FREM2: variants seen among roughly 807,000 people sequenced by gnomAD.
FREM2 encodes FRAS1 related extracellular matrix 2, also known as FRAS1-related extracellular matrix protein 2.
Under a neutral mutation model 219.9 loss-of-function variants are expected in FREM2, and 119 were observed. The ratio of observed to expected loss-of-function variants is 0.54; its 90% CI spans 0.47 to 0.63. FREM2 has a LOEUF of 0.63. FREM2 is among the 30% of genes least tolerant of loss of function. FREM2 has a pLI of 0.00. For synonymous variants in FREM2, 1,562 were observed against 1,522.8 expected, an observed-to-expected ratio of 1.03 and a Z score of -0.60; for missense variants, 4,030 against 3,993.6, an observed-to-expected ratio of 1.01 and a Z score of -0.25.
At chr13:38,693,018 T>A (rs2138073916) in intron 1 of FREM2, among the ~76,000 whole-genome samples, 1 of 152,372 alleles carries the variant, frequency 6.6e-6, no homozygotes, top group Admixed American at 6.5e-5. Context: ...ACGGTTATAG[T>A]TGTTAGGAAC....
Position 38,713,291 on chromosome 13 carries a change from G to A in FREM2, c.5263+15504G>A, listed in dbSNP as rs147333070. On this transcript the variant is annotated intron_variant, in intron 2 of 23. Coordinates refer to ENST00000280481, the MANE Select transcript of FREM2 (RefSeq NM_207361.6). Reference sequence around the variant, plus strand: ...CCACTTATTAACAGAGTGATATCAGGCAGGTCACTTAACCTCCCAGAGCTT... The same window carrying A: ...CCACTTATTAACAGAGTGATATCAGACAGGTCACTTAACCTCCCAGAGCTT... 4.7e-4 allele frequency among the ~76,000 whole-genome samples: 72 copies of A among 152,218 alleles called. 1 individual carries two copies. Among genetic ancestry groups the A allele is most frequent in the African/African-American group, 1.7e-3 (71 of 41,524 alleles).
At chr13:38,710,346 G>A (rs778584043) in intron 2 of FREM2, among the ~76,000 whole-genome samples, 2 of 152,118 alleles carry the variant, frequency 1.3e-5, no homozygotes, top group Non-Finnish European at 2.9e-5. Flanking sequence ...ATTTGTAGAT[G>A]AAGTCACAAA....
In FREM2 at chr13:38,880,673, G is replaced by T. The variant is rs1188681641; in HGVS notation, c.9396G>T (p.Val3132=). 1 of 1,614,170 alleles carries T rather than the reference G, an allele frequency of 6.2e-7. No individual in the cohort carries two copies. The highest frequency in any genetic ancestry group is 2.2e-5 in the East Asian group (1 of 44,864). The change falls in exon 24 of 24, where the codon GTG becomes GTT. Residue 3132 remains valine, a synonymous_variant. Transcript: ENST00000280481. ...LLTICLTVIA[V]LMCRGKESFR... Reference sequence around the variant, plus strand: ...CCATCTGCCTCACTGTCATTGCAGTGCTGATGTGCAGGGGCAAGGAAAGTT... The same window carrying T: ...CCATCTGCCTCACTGTCATTGCAGTTCTGATGTGCAGGGGCAAGGAAAGTT...
intron 2 of FREM2, among the ~76,000 whole-genome samples, chr13:38,727,480 AAAAAC>A (rs1281999599): frequency 1.3e-5 from 2 of 152,226 alleles, no homozygotes; most frequent in African/African-American, 2.4e-5. Flanking sequence ...CTCCATCTCA[AAAAAC>A]AAAACAAAAC....
intron 4 of FREM2, among the ~76,000 whole-genome samples, chr13:38,782,702 G>A (rs1874165307): frequency 6.6e-6 from 1 of 152,200 alleles, no homozygotes; most frequent in African/African-American, 2.4e-5. Context: ...GGGACAAGAT[G>A]ACTTTTGAGG....
intron 4 of FREM2, among the ~76,000 whole-genome samples, chr13:38,778,581 A>G (rs756036591): frequency 1.3e-5 from 2 of 152,112 alleles, no homozygotes; most frequent in Non-Finnish European, 2.9e-5. Flanking sequence ...AGCCCATAAC[A>G]AACCCTAAAG....
At chr13:38,820,258 A>G (rs1056251829) in intron 6 of FREM2, among the ~76,000 whole-genome samples, 2 of 152,140 alleles carry the variant, frequency 1.3e-5, no homozygotes, top group African/African-American at 4.8e-5. Context: ...CTCTCTTGTC[A>G]AGTCCTCGTG....
At chr13:38,748,177 T>A (rs1593382073) in intron 2 of FREM2, among the ~76,000 whole-genome samples, 1 of 152,362 alleles carries the variant, frequency 6.6e-6, no homozygotes, top group East Asian at 1.9e-4. Context: ...GCAAAGCGTG[T>A]GTTCCAACAG....
intron 2 of FREM2, among the ~76,000 whole-genome samples, chr13:38,747,627 A>G (rs928424825): frequency 6.6e-6 from 1 of 152,166 alleles, no homozygotes. Context: ...GTATTTTCCA[A>G]TACAACTTAT....
At position 38,692,124 on chromosome 13, in the gene FREM2, A is replaced by G. The variant is rs776592766; in HGVS notation, c.4780A>G (p.Lys1594Glu). The G allele has an allele frequency of 1.9e-5, 31 of 1,614,104 alleles. No homozygotes were observed. The South Asian group carries it at 2.5e-4, about 13-fold the overall frequency. ...TACCAGACCTGTCATGGTTTTTACC[A>G]AGCAAGACTTGAATGAAAACTTAAT... ...NNTRPVMVFT[K>E]QDLNENLISY... is the part of the protein sequence containing the mutation. Residue 1594 changes from lysine to glutamate, a missense_variant, in exon 1 of 24, where the codon AAG (lysine) becomes GAG (glutamate). Lys to Glu is a moderately conservative substitution (Grantham distance 56). This residue lies in a region of FREM2 where 3,102 missense variants were observed against 2,950.7 expected (regional missense o/e 1.05). Coordinates refer to ENST00000280481, the MANE Select transcript of FREM2 (RefSeq NM_207361.6).
chr13:38,866,009 CT>C (rs1386819575), intron 16 of FREM2, among the ~76,000 whole-genome samples: 1 of 152,134 alleles, frequency 6.6e-6, no homozygotes, highest in African/African-American at 2.4e-5. Flanking sequence ...ACCTCTTTTT[CT>C]TTATAGATCA....
In FREM2 at chr13:38,747,099, A is replaced by T. The variant is rs547189615; in HGVS notation, c.5264-17205A>T. Reference sequence around the variant, plus strand: ...CAGGTATTTCCTTGTTTGAGTCCCAATCCCTACCTACCTTGCCCACCATAT... The same window carrying T: ...CAGGTATTTCCTTGTTTGAGTCCCATTCCCTACCTACCTTGCCCACCATAT... On this transcript the variant is annotated intron_variant, in intron 2 of 23. Transcript: ENST00000280481. 2.0e-5 allele frequency among the ~76,000 whole-genome samples: 3 copies of T among 152,206 alleles called. No homozygotes were observed. The South Asian group carries it at 6.2e-4, about 32-fold the overall frequency.
At chr13:38,848,057 T>G (rs1220266924) in intron 7 of FREM2, among the ~76,000 whole-genome samples, 2 of 152,212 alleles carry the variant, frequency 1.3e-5, no homozygotes, top group East Asian at 3.8e-4. Context: ...ACATAAATAC[T>G]TAATTAATGT....
At chr13:38,875,893 T>C in intron 18 of FREM2, 129 bp from the exon 19 acceptor site, 1 of 895,592 alleles carries the variant, frequency 1.1e-6, no homozygotes, top group African/African-American at 1.6e-5. Context: ...TAACCATGAC[T>C]GCTTTGCAGC....
chr13:38,872,915 C>T lies in FREM2; in HGVS notation c.8157C>T (p.Pro2719=). The T allele has an allele frequency of 1.2e-6, 2 of 1,613,742 alleles. No individual in the cohort carries two copies. The highest frequency in any genetic ancestry group is 1.7e-6 in the Non-Finnish European group (2 of 1,179,864). Residue 2719 remains proline (P), a synonymous_variant, in exon 17 of 24, where the codon CCC becomes CCT. Transcript: ENST00000280481. ...AILWNDGIGS[P]PEAELQGSLY... is the part of the protein sequence containing the mutation. ...TGTGGAATGATGGAATTGGCAGCCC[C>T]CCAGAGGCTGAACTTCAAGGTGAGT...
At chr13:38,834,377 A>G (rs965387812) in intron 6 of FREM2, among the ~76,000 whole-genome samples, 4 of 152,150 alleles carry the variant, frequency 2.6e-5, no homozygotes, top group Non-Finnish European at 4.4e-5. Flanking sequence ...ATAGTATTCC[A>G]TGGTATATAT....
At chr13:38,807,189 T>TATGTATATA (rs1555268805) in intron 6 of FREM2, among the ~76,000 whole-genome samples, 1 of 45,378 alleles carries the variant, frequency 2.2e-5, no homozygotes, top group African/African-American at 6.2e-5. Context: ...CTTGTCTCTG[T>TATGTATATA]TATATATATA....
rs1189167962 is a variant in FREM2 at position 38,883,900 on chromosome 13, G to T, written c.*3113G>T. ...GATTTATACAAAATGATTCAAACCA[G>T]TAACTTAGTAAAATTGACCTTCGCA... On this transcript the variant is annotated 3_prime_UTR_variant, in exon 24 of 24. Transcript: ENST00000280481. The T allele has an allele frequency of 6.6e-6, 1 of 152,214 alleles. No individual in the cohort carries two copies. The highest frequency in any genetic ancestry group is 1.5e-5 in the Non-Finnish European group (1 of 68,030). The allele number at this position is 152,214 out of a possible 1,614,324, so 9.4% of individuals were successfully genotyped here.
chr13:38,689,199 C>T lies in FREM2; in HGVS notation c.1855C>T (p.His619Tyr). Residue 619 changes from histidine (H) to tyrosine (Y), a missense_variant, in exon 1 of 24, where the codon CAT becomes TAT. Coordinates refer to ENST00000280481, the MANE Select transcript of FREM2 (RefSeq NM_207361.6). ...GCTTCTCCGCCAAACTCACCCTCCC[C>T]ATGAGAAGCAGGAACTTCTCAGAGG... The part of the protein sequence containing the change: ...HLLLRQTHPP[H>Y]EKQELLRGLW... The T allele has an allele frequency of 6.2e-7, 1 of 1,614,090 alleles. No homozygotes were observed. Among genetic ancestry groups the T allele is most frequent in the Non-Finnish European group, 8.5e-7 (1 of 1,180,004 alleles).
Sources: allele counts gnomAD v4.1 joint callset (sites outside exome capture counted in the v4.1 genomes callset), GRCh38; gene constraint gnomAD v4.1.1; regional missense constraint gnomAD v4.1.1; transcripts MANE v1.5; gene names NCBI Gene and HGNC (gene_info 2026-07-23, HGNC 2026-07-21).